Variants in USH2A observed in about 807,000 individuals in gnomAD.
USH2A encodes the protein Usher syndrome 2A (autosomal recessive, mild).
USH2A carries 443 observed loss-of-function variants against 538.9 expected under a neutral mutation model. The observed-to-expected ratio is 0.82, with a 90% CI of 0.76 to 0.89. The LOEUF (loss-of-function observed/expected upper bound fraction) is 0.89, where lower values mean the gene tolerates loss of function less well. Among genes scored for constraint, USH2A ranks in the 40% least tolerant of loss-of-function variants. The pLI, the probability that USH2A is intolerant of heterozygous loss-of-function variation, is 0.00. For synonymous variants in USH2A, 2,413 were observed against 2,273.5 expected, an observed-to-expected ratio of 1.06 and a Z score of -1.75; for missense variants, 6,633 against 6,324.8, an observed-to-expected ratio of 1.05 and a Z score of -1.65.
intron 35 of USH2A, among the ~76,000 whole-genome samples, chr1:215,990,816 C>T (rs1270710445): frequency 7.4e-6 from 1 of 135,816 alleles, no homozygotes; most frequent in Non-Finnish European, 1.5e-5. Context: ...GGCTGGAGTG[C>T]AGTGGTGTGA....
chr1:216,266,172 G>T (rs1458319848), intron 11 of USH2A, among the ~76,000 whole-genome samples: 3 of 151,680 alleles, frequency 2.0e-5, no homozygotes, highest in African/African-American at 4.8e-5. Context: ...TCCCATAATA[G>T]GTATAAATAT....
chr1:215,804,474 G>A (rs1270169262), intron 49 of USH2A, among the ~76,000 whole-genome samples: 1 of 151,484 alleles, frequency 6.6e-6, no homozygotes, highest in Non-Finnish European at 1.5e-5. Context: ...GTGGGTGAAG[G>A]ATATGAACAG....
At position 215,781,256 on chromosome 1, in the gene USH2A, C is replaced by G. The variant is rs992289951; in HGVS notation, c.10740+786G>C. The stretch of plus-strand genomic sequence containing the variant: ...AATCTGGTTTCTGACCAGATATTTT[C>G]ACATAAAGTGCCAAGTACTATCTGC... On this transcript the variant is annotated intron_variant, in intron 54 of 71. Coordinates refer to ENST00000307340, the MANE Select transcript of USH2A (RefSeq NM_206933.4). Among the ~76,000 whole-genome samples, 9 of 152,172 alleles carry G rather than the reference C, an allele frequency of 5.9e-5. No homozygotes were observed. In the East Asian group the frequency reaches 1.7e-3, roughly 29 times the overall value.
At chr1:216,338,164 T>C (rs1216993551) in intron 4 of USH2A, among the ~76,000 whole-genome samples, 1 of 151,416 alleles carries the variant, frequency 6.6e-6, no homozygotes, top group Non-Finnish European at 1.5e-5. Context: ...ATCCTAAAAT[T>C]CATTTGGAGG....
chr1:216,233,630 C>A (rs538101804), intron 13 of USH2A, among the ~76,000 whole-genome samples: 20 of 151,836 alleles, frequency 1.3e-4, no homozygotes, highest in Admixed American at 7.2e-4. Context: ...AGTACACACA[C>A]AAAAAAAGCC....
At chr1:216,056,395 AT>A (rs2030974850) in intron 30 of USH2A, among the ~76,000 whole-genome samples, 1 of 152,148 alleles carries the variant, frequency 6.6e-6, no homozygotes, top group South Asian at 2.1e-4. Flanking sequence ...TGATATTGTT[AT>A]TCCATTGTAC....
At chr1:215,952,080 G>A (rs1264431366) in intron 37 of USH2A, among the ~76,000 whole-genome samples, 14 of 151,724 alleles carry the variant, frequency 9.2e-5, no homozygotes, top group Admixed American at 4.6e-4. Context: ...TAGCCAGGAT[G>A]GTCTCGATCT....
At chr1:216,050,840 C>T (rs1272361045) in intron 30 of USH2A, among the ~76,000 whole-genome samples, 8 of 151,612 alleles carry the variant, frequency 5.3e-5, no homozygotes, top group African/African-American at 9.7e-5. Flanking sequence ...CTCCTGACCT[C>T]GTGATCCACC....
chr1:216,295,320 AT>A (rs1232448106), intron 9 of USH2A, among the ~76,000 whole-genome samples: 3 of 151,822 alleles, frequency 2.0e-5, no homozygotes, highest in Non-Finnish European at 4.4e-5. Flanking sequence ...CTGTGCTTGC[AT>A]TTTTTAATAA....
intron 61 of USH2A, among the ~76,000 whole-genome samples, chr1:215,708,215 G>A (rs1426187949): frequency 6.6e-6 from 1 of 152,074 alleles, no homozygotes; most frequent in Admixed American, 6.5e-5. Context: ...CTTATGTATG[G>A]TATGTATATA....
At chr1:216,204,336 A>T (rs968307054) in intron 16 of USH2A, 1 of 152,170 alleles carries the variant, frequency 6.6e-6, no homozygotes, top group African/African-American at 2.4e-5. Flanking sequence ...CGCTAGCTTG[A>T]CCTCTACCTT....
intron 3 of USH2A, among the ~76,000 whole-genome samples, chr1:216,394,632 C>T (rs1455957679): frequency 6.6e-6 from 1 of 151,574 alleles, no homozygotes; most frequent in African/African-American, 2.4e-5. Flanking sequence ...AATAAACAGA[C>T]GTTTCATAGA....
chr1:216,386,912 T>G (rs957365838), intron 3 of USH2A, among the ~76,000 whole-genome samples: 2 of 152,252 alleles, frequency 1.3e-5, no homozygotes, highest in South Asian at 4.1e-4. Context: ...TCTTGCAGCT[T>G]TCAGTGAAGA....
chr1:215,854,196 C>A (rs1056659821), intron 44 of USH2A, among the ~76,000 whole-genome samples: 3 of 152,138 alleles, frequency 2.0e-5, no homozygotes, highest in Non-Finnish European at 2.9e-5. Context: ...TGGCGGTAGA[C>A]AAGAAAAGAG....
intron 58 of USH2A, among the ~76,000 whole-genome samples, chr1:215,757,150 TTTTG>T: frequency 6.6e-6 from 1 of 152,320 alleles, no homozygotes; most frequent in African/African-American, 2.4e-5. Flanking sequence ...TTCCTTTATA[TTTTG>T]TTTAATATGC....
chr1:215,903,775 G>T (rs1159797305), intron 38 of USH2A, among the ~76,000 whole-genome samples: 2 of 152,114 alleles, frequency 1.3e-5, no homozygotes, highest in Non-Finnish European at 2.9e-5. Flanking sequence ...TTGGGTGGAT[G>T]AAATGGAGGC....
chr1:215,836,584 T>C (rs1442911020), intron 47 of USH2A, among the ~76,000 whole-genome samples: 1 of 90,450 alleles, frequency 1.1e-5, no homozygotes, highest in Non-Finnish European at 2.2e-5. Context: ...TGAGACAGAG[T>C]ATCACTCTGT....
chr1:215,633,472 G>A (rs908164494), intron 70 of USH2A, among the ~76,000 whole-genome samples: 1 of 152,218 alleles, frequency 6.6e-6, no homozygotes, highest in Non-Finnish European at 1.5e-5. Flanking sequence ...GGCTTAACCA[G>A]TGGTCATTCA....
At chr1:215,698,511 C>A (rs1347431229) in intron 61 of USH2A, among the ~76,000 whole-genome samples, 1 of 152,198 alleles carries the variant, frequency 6.6e-6, no homozygotes, top group Non-Finnish European at 1.5e-5. Flanking sequence ...TTAATTATCA[C>A]CATTCCAAGT....
Sources: allele counts gnomAD v4.1 joint callset (sites outside exome capture counted in the v4.1 genomes callset), GRCh38; gene constraint gnomAD v4.1.1; transcripts MANE v1.5; gene names NCBI Gene and HGNC (gene_info 2026-07-23, HGNC 2026-07-21).